TMX3: variants seen among roughly 807,000 people sequenced by gnomAD.
TMX3 encodes the protein thioredoxin related transmembrane protein 3.
A neutral mutation model predicts 64.4 loss-of-function variants in TMX3; 40 were observed. The observed-to-expected ratio is 0.62, with a 90% CI of 0.48 to 0.81. TMX3 has a LOEUF of 0.81. Among genes scored for constraint, TMX3 ranks in the 30% least tolerant of loss-of-function variants. The pLI, the probability that TMX3 is intolerant of heterozygous loss-of-function variation, is 0.00. For synonymous variants in TMX3, 189 were observed against 175.7 expected (o/e 1.08, Z -0.60); for missense variants, 497 against 534.5 (o/e 0.93, Z 0.69).
Position 68,687,657 on chromosome 18 carries a change from T to C in TMX3, c.736+10A>G, listed in dbSNP as rs753580918. ...GTAACATAATGGAGACTTGTACATA[T>C]GCTTGTTACCTGTGTCTCCAAGTTC... On this transcript the variant is annotated intron_variant, in intron 10 of 15. Transcript: ENST00000299608. The C allele has an allele frequency of 2.5e-6, 4 of 1,600,830 alleles. No individual in the cohort carries two copies. The Middle Eastern group carries it at 5.0e-4, about 199-fold the overall frequency.
At chr18:68,712,086 G>T (rs969239750) in intron 2 of TMX3, among the ~76,000 whole-genome samples, 4 of 152,160 alleles carry the variant, frequency 2.6e-5, no homozygotes, top group African/African-American at 9.7e-5. Flanking sequence ...AAAATCCAGG[G>T]TCATTATCAG....
At chr18:68,686,767 T>A (rs1914003912) in intron 10 of TMX3, 1 of 984,252 alleles carries the variant, frequency 1.0e-6, no homozygotes, top group Non-Finnish European at 1.2e-6. Flanking sequence ...CAACTTCCAA[T>A]AATGAGCTAA....
rs76511586 is a variant in TMX3, at chr18:68,703,507, C to T, written c.266-1717G>A. Among the ~76,000 whole-genome samples, 930 of 152,306 alleles carry T rather than the reference C, an allele frequency of 6.1e-3. 13 individuals are homozygous for T. Among genetic ancestry groups the T allele is most frequent in the African/African-American group, 0.015 (606 of 41,576 alleles). ...ACTTAACCCTATTACATCATTTCCT[C>T]GACCTCAGTATTCACATCGAGACAA... On this transcript the variant is annotated intron_variant, in intron 4 of 15. Coordinates refer to ENST00000299608, the MANE Select transcript of TMX3 (RefSeq NM_019022.5).
At chr18:68,693,524 TG>T (rs1914739356) in intron 8 of TMX3, among the ~76,000 whole-genome samples, 1 of 152,038 alleles carries the variant, frequency 6.6e-6, no homozygotes, top group African/African-American at 2.4e-5. Context: ...GAAGCAAAGT[TG>T]TGGCCGAGCC....
intron 13 of TMX3, 178 bp from the exon 14 acceptor site, chr18:68,681,288 C>T: frequency 1.7e-6 from 1 of 590,200 alleles, no homozygotes; most frequent in Non-Finnish European, 2.4e-6. Context: ...GCATTCATGA[C>T]ATACCTTTTT....
intron 14 of TMX3, among the ~76,000 whole-genome samples, chr18:68,680,147 T>C (rs145694163): frequency 9.2e-5 from 14 of 152,332 alleles, no homozygotes; most frequent in African/African-American, 3.1e-4. Context: ...ACTATTTGAC[T>C]GTTTTTCAAA....
At chr18:68,684,561 G>T in intron 10 of TMX3, 76 bp from the exon 11 acceptor site, 1 of 1,216,982 alleles carries the variant, frequency 8.2e-7, no homozygotes, top group Non-Finnish European at 1.2e-6. Context: ...TTAGTTCTGA[G>T]TAGGAAATTA....
intron 10 of TMX3, among the ~76,000 whole-genome samples, chr18:68,685,270 T>C (rs1336702619): frequency 6.6e-6 from 1 of 152,184 alleles, no homozygotes; most frequent in Non-Finnish European, 1.5e-5. Context: ...CCCAGAAATA[T>C]GGGCATAAAC....
chr18:68,678,317 A>C (rs1913113993), intron 15 of TMX3, among the ~76,000 whole-genome samples: 2 of 152,172 alleles, frequency 1.3e-5, no homozygotes. Flanking sequence ...GAGCTCGAGA[A>C]GGACAACAGG....
intron 4 of TMX3, among the ~76,000 whole-genome samples, chr18:68,708,923 C>A (rs2030991605): frequency 6.6e-6 from 1 of 152,078 alleles, no homozygotes; most frequent in Non-Finnish European, 1.5e-5. Context: ...TTAAGTGCTT[C>A]CCAAAGCTAC....
intron 2 of TMX3, among the ~76,000 whole-genome samples, chr18:68,712,457 T>G (rs1047621027): frequency 3.9e-5 from 6 of 152,156 alleles, no homozygotes; most frequent in African/African-American, 1.4e-4. Context: ...AGCCATCTCT[T>G]GTGGATCCCG....
In TMX3 at chr18:68,675,461, T is replaced by C. The variant is rs994193893; in HGVS notation, c.*1472A>G. The C allele has an allele frequency of 6.6e-6, 1 of 152,168 alleles. No individual in the cohort carries two copies. The highest frequency in any genetic ancestry group is 1.5e-5 in the Non-Finnish European group (1 of 68,024). 9.4% of individuals were successfully genotyped at this position (152,168 alleles called of 1,614,324 possible). A position where few individuals can be genotyped will look rare whatever the true frequency, so the allele number is the denominator to read the frequency against. ...AATTCCTTAGTACTTAAGATGCAAG[T>C]GTCCATACAGTCTTGATTAGTACGG... is the stretch of plus-strand genomic sequence containing the variant. On this transcript the variant is annotated 3_prime_UTR_variant, in exon 16 of 16. Transcript: ENST00000299608.
At chr18:68,683,896 T>C (rs1164978858) in intron 12 of TMX3, among the ~76,000 whole-genome samples, 1 of 152,176 alleles carries the variant, frequency 6.6e-6, no homozygotes, top group East Asian at 1.9e-4. Context: ...TCTATTTTAT[T>C]ATTAATTACT....
intron 9 of TMX3, chr18:68,689,853 C>T (rs1381880984): frequency 6.6e-6 from 1 of 152,126 alleles, no homozygotes; most frequent in Non-Finnish European, 1.5e-5. Flanking sequence ...TAGCTATATC[C>T]TTTGTAATCC....
intron 6 of TMX3, among the ~76,000 whole-genome samples, chr18:68,699,976 T>C (rs551927933): frequency 2.6e-5 from 4 of 152,170 alleles, no homozygotes; most frequent in Non-Finnish European, 5.9e-5. Context: ...AAATACATTT[T>C]CGAGTATCAA....
chr18:68,714,405 GA>G (rs2031674661), intron 1 of TMX3: 1 of 158,166 alleles, frequency 6.3e-6, no homozygotes, highest in East Asian at 1.9e-4. Context: ...TAAGTGAGCG[GA>G]CCCCAGTGAG....
chr18:68,685,616 A>C (rs1013244729), intron 10 of TMX3, among the ~76,000 whole-genome samples: 1 of 152,216 alleles, frequency 6.6e-6, no homozygotes, highest in Non-Finnish European at 1.5e-5. Flanking sequence ...TATTAATTCA[A>C]CAATTATTGA....
chr18:68,703,272 AC>A (rs2030305405), intron 4 of TMX3, among the ~76,000 whole-genome samples: 1 of 152,354 alleles, frequency 6.6e-6, no homozygotes, highest in African/African-American at 2.4e-5. Flanking sequence ...AACTGTCAAA[AC>A]ATAAGGACTA....
chr18:68,679,421 A>T, intron 15 of TMX3, 42 bp downstream of exon 15: 4 of 1,512,902 alleles, frequency 2.6e-6, no homozygotes, highest in Non-Finnish European at 3.6e-6. Flanking sequence ...TAAAGAACCT[A>T]TATCTTCTTC....
Sources: gnomAD v4.1 joint callset for allele counts (sites outside exome capture counted in the v4.1 genomes callset) on GRCh38, gnomAD v4.1.1 for gene constraint, MANE v1.5 for transcripts, NCBI Gene and HGNC (gene_info 2026-07-23, HGNC 2026-07-21) for gene names.